The following GHITM variants were observed in gnomAD, a reference collection of about 807,000 sequenced individuals.
GHITM encodes growth hormone inducible transmembrane protein.
Under a neutral mutation model 38.7 loss-of-function variants are expected in GHITM, and 24 were observed. That is an observed-to-expected ratio of 0.62 (90% CI 0.45 to 0.87). The LOEUF (loss-of-function observed/expected upper bound fraction) is 0.87. GHITM is among the 40% of genes least tolerant of loss of function. The probability of loss-of-function intolerance (pLI) is 0.00; values close to 1 mark genes in which losing one functional copy is unlikely to be tolerated. For missense variants in GHITM, 420 were observed against 429.8 expected (o/e 0.98, Z 0.20); for synonymous variants, 154 against 147.8 (o/e 1.04, Z -0.30).
In GHITM at chr10:84,150,172, C is replaced by A; in HGVS notation, c.710C>A (p.Pro237His). The change falls in exon 7 of 9, where the codon CCC becomes CAC. Residue 237 changes from proline to histidine, a missense_variant. Coordinates refer to ENST00000372134, the MANE Select transcript of GHITM (RefSeq NM_014394.3). The stretch of plus-strand genomic sequence containing the variant: ...CTCTCCACTGTGGCCATGTGTGCGC[C>A]CAGTGAAAAGTTTCTGAACATGGGT... ...GGLSTVAMCA[P>H]SEKFLNMGAP... The A allele has an allele frequency of 6.2e-7, 1 of 1,613,876 alleles. No individual in the cohort carries two copies. The highest frequency in any genetic ancestry group is 1.3e-5 in the African/African-American group (1 of 75,020).
intron 8 of GHITM, 101 bp downstream of exon 8, chr10:84,150,981 T>A: frequency 1.3e-6 from 1 of 763,094 alleles, no homozygotes; most frequent in South Asian, 1.8e-5. Context: ...TTTCTAGGGA[T>A]ACTGTTAACA....
At chr10:84,140,654 T>C (rs10887239) in intron 1 of GHITM, 61,414 of 151,824 alleles carry the variant, frequency 0.4, 13,264 homozygotes, top group Non-Finnish European at 0.49. Context: ...TCTGACCTAT[T>C]GTAGTCACCT....
intron 4 of GHITM, 118 bp downstream of exon 4, chr10:84,144,224 G>T: frequency 1.6e-6 from 1 of 644,706 alleles, no homozygotes. Flanking sequence ...TCTAGTCTTT[G>T]TGTATACACA....
Position 84,142,639 on chromosome 10 carries a change from T to C in GHITM, c.130-16T>C. 6.4e-7 allele frequency: 1 copy of C among 1,570,486 alleles called. No homozygotes were observed. On this transcript the variant is annotated splice_polypyrimidine_tract_variant and intron_variant, in intron 2 of 8. Coordinates refer to ENST00000372134, the MANE Select transcript of GHITM (RefSeq NM_014394.3). ...TTCATGTGGGTGGTACGTGTCTTTGTTTGCATGTGTGTCAGGAATATGCCA... is the reference window on the plus strand; with the variant it reads ...TTCATGTGGGTGGTACGTGTCTTTGCTTGCATGTGTGTCAGGAATATGCCA...
intron 1 of GHITM, 45 bp from the exon 2 acceptor site, chr10:84,141,417 T>C (rs1302851694): frequency 1.6e-6 from 2 of 1,282,476 alleles, no homozygotes; most frequent in Non-Finnish European, 2.2e-6. Flanking sequence ...AGTAGGTTGT[T>C]TTACTTATGT....
At chr10:84,148,091 T>A (rs1185492784) in intron 5 of GHITM, among the ~76,000 whole-genome samples, 1 of 152,100 alleles carries the variant, frequency 6.6e-6, no homozygotes, top group Non-Finnish European at 1.5e-5. Context: ...CTAAAGGGTT[T>A]TTGTTTCACC....
intron 5 of GHITM, among the ~76,000 whole-genome samples, chr10:84,147,942 A>T (rs1223928126): frequency 6.6e-6 from 1 of 152,174 alleles, no homozygotes; most frequent in African/African-American, 2.4e-5. Context: ...CATTTAGCAA[A>T]TATGGAGTTC....
intron 2 of GHITM, among the ~76,000 whole-genome samples, chr10:84,142,374 T>C (rs1841515561): frequency 6.6e-6 from 1 of 152,246 alleles, no homozygotes; most frequent in African/African-American, 2.4e-5. Context: ...TGTAAATCTA[T>C]AGTTTGTGAA....
At chr10:84,145,561 G>A (rs1036694881) in intron 5 of GHITM, among the ~76,000 whole-genome samples, 3 of 152,196 alleles carry the variant, frequency 2.0e-5, no homozygotes, top group African/African-American at 4.8e-5. Flanking sequence ...TAAAGCAAAT[G>A]CAAAATCATC....
chr10:84,142,148 T>C (rs1160637809), intron 2 of GHITM, among the ~76,000 whole-genome samples: 3 of 152,222 alleles, frequency 2.0e-5, no homozygotes, highest in Non-Finnish European at 4.4e-5. Flanking sequence ...ACATTTTCTC[T>C]TTTAAATTAA....
In GHITM at chr10:84,150,097, G is replaced by A. The variant is rs749746122; in HGVS notation, c.635G>A (p.Gly212Asp). ...AVVAPLTILG[G>D]PLLIRAAWYT... ...GTGGCTCCTCTGACAATATTAGGGG[G>A]TCCTCTTCTCATCAGAGCTGCATGG... Residue 212 changes from glycine to aspartate, a missense_variant, in exon 7 of 9, where the codon GGT (glycine) becomes GAT (aspartate). Transcript: ENST00000372134. The A allele has an allele frequency of 6.2e-7, 1 of 1,611,466 alleles. No homozygotes were observed. The highest frequency in any genetic ancestry group is 1.1e-5 in the South Asian group (1 of 90,840).
chr10:84,151,340 C>T (rs367798245), intron 8 of GHITM, among the ~76,000 whole-genome samples: 1 of 152,296 alleles, frequency 6.6e-6, no homozygotes, highest in Admixed American at 6.5e-5. Context: ...TGTCTGTTCT[C>T]TCTTTAGTAA....
Position 84,150,119 on chromosome 10 carries a change from A to G in GHITM, c.657A>G (p.Ala219=), listed in dbSNP as rs760296700. Residue 219 remains alanine, a synonymous_variant, in exon 7 of 9, where the codon GCA becomes GCG. Transcript: ENST00000372134. ...ILGGPLLIRA[A]WYTAGIVGGL... ...GGGGTCCTCTTCTCATCAGAGCTGC[A>G]TGGTACACAGCTGGCATTGTGGGAG... The G allele has an allele frequency of 4.3e-6, 7 of 1,613,658 alleles. No individual in the cohort carries two copies. The highest frequency in any genetic ancestry group is 2.2e-5 in the East Asian group (1 of 44,862).
At chr10:84,145,788 A>G (rs566605279) in intron 5 of GHITM, among the ~76,000 whole-genome samples, 1 of 152,374 alleles carries the variant, frequency 6.6e-6, no homozygotes, top group South Asian at 2.1e-4. Context: ...ATACGCAATA[A>G]GAAAGTGCAA....
At chr10:84,141,716 T>C (rs1841508955) in intron 2 of GHITM, 87 bp downstream of exon 2, 2 of 1,263,240 alleles carry the variant, frequency 1.6e-6, no homozygotes, top group African/African-American at 1.5e-5. Context: ...CTGCCTTTAG[T>C]GTGTTATACG....
intron 8 of GHITM, 152 bp from the exon 9 acceptor site, chr10:84,152,112 T>C (rs965188968): frequency 1.9e-6 from 1 of 523,642 alleles, no homozygotes. Flanking sequence ...TTTTCTAGTC[T>C]AGTACTTCAT....
At chr10:84,147,945 T>G (rs370707831) in intron 5 of GHITM, among the ~76,000 whole-genome samples, 1 of 152,336 alleles carries the variant, frequency 6.6e-6, no homozygotes, top group Admixed American at 6.5e-5. Context: ...TTAGCAAATA[T>G]GGAGTTCAAA....
chr10:84,152,354 C>T lies in GHITM; in HGVS notation c.*6C>T. Reference sequence around the variant, plus strand: ...GAGGCAACAGAAAGAAATGAAGTGACTCAGCTTCTGGCTTCTCTGCTACAT... The same window carrying T: ...GAGGCAACAGAAAGAAATGAAGTGATTCAGCTTCTGGCTTCTCTGCTACAT... On this transcript the variant is annotated 3_prime_UTR_variant, in exon 9 of 9. Coordinates refer to ENST00000372134, the MANE Select transcript of GHITM (RefSeq NM_014394.3). 6.5e-7 allele frequency: 1 copy of T among 1,548,646 alleles called. No individual in the cohort carries two copies. Among genetic ancestry groups the T allele is most frequent in the African/African-American group, 1.4e-5 (1 of 73,644 alleles).
At position 84,152,321 on chromosome 10, in the gene GHITM, G is replaced by A. The variant is rs1231067358; in HGVS notation, c.1011G>A (p.Leu337=). 3.7e-6 allele frequency: 6 copies of A among 1,600,416 alleles called. No individual in the cohort carries two copies. Among genetic ancestry groups the A allele is most frequent in the South Asian group, 2.2e-5 (2 of 90,458 alleles). Residue 337 remains leucine (L), a synonymous_variant, in exon 9 of 9, where the codon CTG becomes CTA. Transcript: ENST00000372134. ...TATTTATGCGAGTTGCAACTATGCTGGCAACTGGAGGCAACAGAAAGAAAT... is the reference window on the plus strand; with the variant it reads ...TATTTATGCGAGTTGCAACTATGCTAGCAACTGGAGGCAACAGAAAGAAAT... The part of the protein sequence containing the change: ...LNIFMRVATM[L]ATGGNRKK
Sources: allele counts gnomAD v4.1 joint callset (sites outside exome capture counted in the v4.1 genomes callset), GRCh38; gene constraint gnomAD v4.1.1; transcripts MANE v1.5; gene names NCBI Gene and HGNC (gene_info 2026-07-23, HGNC 2026-07-21).